KCNIP4: variants seen among roughly 807,000 people sequenced by gnomAD.
The protein encoded by KCNIP4 is potassium voltage-gated channel interacting protein 4.
A neutral mutation model predicts 34.0 loss-of-function variants in KCNIP4; 12 were observed. That is an observed-to-expected ratio of 0.35 (90% CI 0.23 to 0.57). The LOEUF (loss-of-function observed/expected upper bound fraction) is 0.57. Ranked by LOEUF, KCNIP4 falls within the 20% of genes least tolerant of loss-of-function variation. KCNIP4 has a pLI of 0.83. For missense variants in KCNIP4, 238 were observed against 311.7 expected, an observed-to-expected ratio of 0.76 and a Z score of 1.78; for synonymous variants, 124 against 102.2, an observed-to-expected ratio of 1.21 and a Z score of -1.29.
chr4:20,776,769 C>T (rs1756406259), intron 3 of KCNIP4, among the ~76,000 whole-genome samples: 2 of 152,098 alleles, frequency 1.3e-5, no homozygotes, highest in African/African-American at 2.4e-5. Context: ...AAATCTAGCT[C>T]ATCAGTTCAG....
At chr4:21,347,453 T>C (rs1319873483) in intron 1 of KCNIP4, among the ~76,000 whole-genome samples, 1 of 152,176 alleles carries the variant, frequency 6.6e-6, no homozygotes, top group Non-Finnish European at 1.5e-5. Flanking sequence ...CCCTCCAGTG[T>C]ATTCCATGAG....
At chr4:20,733,542 TG>T (rs1232510827) in intron 6 of KCNIP4, among the ~76,000 whole-genome samples, 1 of 152,170 alleles carries the variant, frequency 6.6e-6, no homozygotes, top group African/African-American at 2.4e-5. Flanking sequence ...TAGAGTAATT[TG>T]TAAACAGGTG....
chr4:21,702,212 T>C (rs1405920133), intron 1 of KCNIP4, among the ~76,000 whole-genome samples: 2 of 152,102 alleles, frequency 1.3e-5, no homozygotes, highest in African/African-American at 4.8e-5. Flanking sequence ...GAGGGCCCTC[T>C]TTCTACCTTG....
chr4:21,458,771 C>A (rs1310614061), intron 1 of KCNIP4, among the ~76,000 whole-genome samples: 1 of 151,976 alleles, frequency 6.6e-6, no homozygotes, highest in Non-Finnish European at 1.5e-5. Flanking sequence ...TACACCTGTC[C>A]CATCCTCATT....
Position 20,864,883 on chromosome 4 carries a change from G to A in KCNIP4, c.164-14216C>T, listed in dbSNP as rs949435071. Among the ~76,000 whole-genome samples, 2 of 152,040 alleles carry A rather than the reference G, an allele frequency of 1.3e-5. 1 individual carries two copies. The highest frequency in any genetic ancestry group is 4.1e-4 in the South Asian group (2 of 4,824). ...AGCACTTTGTCAGATGCCTGCCTCA[G>A]TATCTTTTATGGATAAGAGTGTCTT... On this transcript the variant is annotated intron_variant, in intron 2 of 8. Coordinates refer to ENST00000382152, the MANE Select transcript of KCNIP4 (RefSeq NM_025221.6).
chr4:21,181,582 TATA>T (rs990194811), intron 1 of KCNIP4, among the ~76,000 whole-genome samples: 57 of 152,218 alleles, frequency 3.7e-4, no homozygotes, highest in African/African-American at 1.2e-3. Context: ...GATACCATGG[TATA>T]ATGAGCTGTG....
chr4:20,772,794 A>C (rs897426233), intron 3 of KCNIP4, among the ~76,000 whole-genome samples: 1 of 151,954 alleles, frequency 6.6e-6, no homozygotes, highest in African/African-American at 2.4e-5. Flanking sequence ...GGCGCCCGCC[A>C]CGACGCCCGG....
intron 1 of KCNIP4, among the ~76,000 whole-genome samples, chr4:21,420,613 T>C (rs999519573): frequency 5.3e-5 from 8 of 152,220 alleles, no homozygotes. Flanking sequence ...CATACATCTT[T>C]CCCACTCTGG....
At chr4:21,313,008 A>G (rs2109278511) in intron 1 of KCNIP4, among the ~76,000 whole-genome samples, 1 of 152,326 alleles carries the variant, frequency 6.6e-6, no homozygotes, top group South Asian at 2.1e-4. Context: ...TCAGTTTGAG[A>G]TCTAATAAAA....
intron 5 of KCNIP4, among the ~76,000 whole-genome samples, chr4:20,744,933 T>A (rs1285736452): frequency 6.6e-6 from 1 of 152,174 alleles, no homozygotes; most frequent in Non-Finnish European, 1.5e-5. Flanking sequence ...AGCCATGACC[T>A]GGGCGAAGTC....
intron 3 of KCNIP4, among the ~76,000 whole-genome samples, chr4:20,801,678 A>G (rs1269806676): frequency 1.3e-5 from 2 of 152,136 alleles, no homozygotes; most frequent in Admixed American, 1.3e-4. Flanking sequence ...AACAAAAAAC[A>G]TGGCAGATAT....
intron 1 of KCNIP4, among the ~76,000 whole-genome samples, chr4:21,782,542 T>A (rs529303666): frequency 6.7e-4 from 102 of 152,016 alleles, no homozygotes; most frequent in South Asian, 3.3e-3. Flanking sequence ...AAATTTTTTT[T>A]AAAAAATTAG....
chr4:20,818,690 A>G (rs1024168582), intron 3 of KCNIP4, among the ~76,000 whole-genome samples: 1 of 152,170 alleles, frequency 6.6e-6, no homozygotes, highest in Non-Finnish European at 1.5e-5. Flanking sequence ...AAATTATAAC[A>G]TTAATATGCT....
chr4:21,645,085 A>G (rs1259311256), intron 1 of KCNIP4, among the ~76,000 whole-genome samples: 1 of 152,186 alleles, frequency 6.6e-6, no homozygotes, highest in East Asian at 1.9e-4. Flanking sequence ...AGCAATAATT[A>G]CCAATTATTA....
rs56366051 is a variant in KCNIP4 at position 20,931,952 on chromosome 4, A to G, written c.62-49243T>C. Among the ~76,000 whole-genome samples the G allele has an allele frequency of 8.0e-4, 102 of 127,194 alleles. 1 individual carries two copies. Among genetic ancestry groups the G allele is most frequent in the African/African-American group, 3.0e-3 (99 of 33,240 alleles). 83.4% of individuals were successfully genotyped at this position (127,194 alleles called of 152,430 possible). A position where few individuals can be genotyped will look rare whatever the true frequency, so the allele number is the denominator to read the frequency against. ...ATATTGTAGACTATAATAGTCTATA[A>G]CAGTCTAATATTGTAGACTATAATA... On this transcript the variant is annotated intron_variant, in intron 1 of 8. Coordinates refer to ENST00000382152, the MANE Select transcript of KCNIP4 (RefSeq NM_025221.6).
chr4:21,680,729 G>T (rs6841753), intron 1 of KCNIP4, among the ~76,000 whole-genome samples: 4,318 of 152,244 alleles, frequency 0.028, 208 homozygotes, highest in African/African-American at 0.099. Context: ...ATGACTAGGC[G>T]CATTGTCAAT....
chr4:21,468,322 G>T (rs1730164537), intron 1 of KCNIP4, among the ~76,000 whole-genome samples: 1 of 152,036 alleles, frequency 6.6e-6, no homozygotes, highest in African/African-American at 2.4e-5. Context: ...TGATTAGCAG[G>T]GAGAAAAGAA....
chr4:20,775,664 G>T (rs1756312080), intron 3 of KCNIP4, among the ~76,000 whole-genome samples: 1 of 152,228 alleles, frequency 6.6e-6, no homozygotes, highest in East Asian at 1.9e-4. Context: ...AGCTATGATT[G>T]CTGCTGCACT....
intron 1 of KCNIP4, among the ~76,000 whole-genome samples, chr4:21,327,349 C>T (rs1014452164): frequency 1.3e-5 from 2 of 152,082 alleles, no homozygotes; most frequent in Admixed American, 6.6e-5. Context: ...TTTCCTTCAG[C>T]ACTTTAAACA....
Sources: gnomAD v4.1 joint callset for allele counts (sites outside exome capture counted in the v4.1 genomes callset) on GRCh38, gnomAD v4.1.1 for gene constraint, MANE v1.5 for transcripts, NCBI Gene and HGNC (gene_info 2026-07-23, HGNC 2026-07-21) for gene names.